The following THADA variants were observed in gnomAD, a reference collection of about 807,000 sequenced individuals.
THADA encodes tRNA (32-2'-O)-methyltransferase regulator THADA.
THADA carries 213 observed loss-of-function variants against 219.8 expected under a neutral mutation model. The ratio of observed to expected loss-of-function variants is 0.97; its 90% confidence interval spans 0.87 to 1.09. The LOEUF (loss-of-function observed/expected upper bound fraction) is 1.09. THADA is among the 50% of genes least tolerant of loss of function. THADA has a pLI of 0.00. For missense variants in THADA, 2,956 were observed against 2,311.3 expected (o/e 1.28, Z -5.72); for synonymous variants, 1,018 against 828.9 (o/e 1.23, Z -3.92).
At chr2:43,539,510 A>T (rs1435524723) in intron 21 of THADA, among the ~76,000 whole-genome samples, 3 of 152,216 alleles carry the variant, frequency 2.0e-5, no homozygotes, top group Non-Finnish European at 4.4e-5. Flanking sequence ...AAACTGAGAC[A>T]TTTCTTTAGC....
At chr2:43,476,421 T>A (rs984001893) in intron 26 of THADA, among the ~76,000 whole-genome samples, 19 of 151,920 alleles carry the variant, frequency 1.3e-4, no homozygotes, top group African/African-American at 4.4e-4. Context: ...GAAATCGGAG[T>A]CTCTGATGAT....
intron 25 of THADA, among the ~76,000 whole-genome samples, chr2:43,494,026 T>C (rs1687968263): frequency 6.6e-6 from 1 of 152,166 alleles, no homozygotes; most frequent in Non-Finnish European, 1.5e-5. Flanking sequence ...CTGTTCCAAC[T>C]ATATCCATGG....
intron 28 of THADA, among the ~76,000 whole-genome samples, chr2:43,424,067 T>G (rs1038926871): frequency 1.3e-5 from 2 of 152,178 alleles, no homozygotes; most frequent in African/African-American, 4.8e-5. Flanking sequence ...ATACACTGGA[T>G]TTTTTAAAAG....
chr2:43,487,100 C>T (rs1001477199), intron 25 of THADA, among the ~76,000 whole-genome samples: 1 of 152,166 alleles, frequency 6.6e-6, no homozygotes, highest in African/African-American at 2.4e-5. Flanking sequence ...TGTGCCCTGC[C>T]TAATTTAATC....
intron 29 of THADA, among the ~76,000 whole-genome samples, chr2:43,356,133 G>A (rs1002711184): frequency 2.6e-5 from 4 of 152,120 alleles, no homozygotes; most frequent in Admixed American, 6.5e-5. Context: ...AATTCTGCAC[G>A]TGGAAGCTAA....
chr2:43,327,337 G>C (rs1679446990), intron 30 of THADA, among the ~76,000 whole-genome samples: 1 of 152,052 alleles, frequency 6.6e-6, no homozygotes, highest in Non-Finnish European at 1.5e-5. Context: ...AGCCAGCACT[G>C]GAGTTAATGA....
chr2:43,540,954 TAG>T (rs1463400404), intron 21 of THADA, among the ~76,000 whole-genome samples: 2 of 152,228 alleles, frequency 1.3e-5, no homozygotes, highest in African/African-American at 2.4e-5. Flanking sequence ...TTATATACCT[TAG>T]AAAAAATTTC....
chr2:43,372,238 A>G (rs1465070564), intron 29 of THADA: 1 of 152,252 alleles, frequency 6.6e-6, no homozygotes, highest in East Asian at 1.9e-4. Context: ...AATAAGTTTT[A>G]AAGAGCTGCT....
intron 26 of THADA, among the ~76,000 whole-genome samples, chr2:43,437,582 A>C (rs1322740530): frequency 1.3e-5 from 2 of 152,214 alleles, no homozygotes; most frequent in Non-Finnish European, 2.9e-5. Context: ...AGGAGCCAAC[A>C]GTGTGATGTA....
chr2:43,296,624 C>G (rs1440788414), intron 31 of THADA, among the ~76,000 whole-genome samples: 1 of 152,148 alleles, frequency 6.6e-6, no homozygotes, highest in African/African-American at 2.4e-5. Context: ...CAGCTGGGAT[C>G]TTCAACCTCT....
chr2:43,429,025 C>T (rs993322274), intron 27 of THADA, among the ~76,000 whole-genome samples: 8 of 151,960 alleles, frequency 5.3e-5, no homozygotes, highest in African/African-American at 1.9e-4. Flanking sequence ...ATACCAAGTG[C>T]AAAATTATAG....
At chr2:43,406,817 A>G (rs151072105) in intron 28 of THADA, among the ~76,000 whole-genome samples, 71 of 152,234 alleles carry the variant, frequency 4.7e-4, no homozygotes, top group Admixed American at 2.2e-3. Context: ...AACAGCTGGA[A>G]AAGCATTCCG....
At chr2:43,487,359 T>C (rs1401606289) in intron 25 of THADA, among the ~76,000 whole-genome samples, 1 of 152,140 alleles carries the variant, frequency 6.6e-6, no homozygotes, top group Non-Finnish European at 1.5e-5. Context: ...GGCTGCCAGA[T>C]GCAGTAAAAT....
In THADA at chr2:43,570,447, G is replaced by A. The variant is rs765743165; in HGVS notation, c.2128C>T (p.Arg710Cys). The change falls in exon 14 of 38, where the codon CGT becomes TGT. Residue 710 changes from arginine (R) to cysteine (C), a missense_variant. Physicochemically the swap from Arg to Cys is radical, Grantham distance 180. Coordinates refer to ENST00000405975, the MANE Select transcript of THADA (RefSeq NM_022065.5). ...LYKLEQSKSK[R>C]EPENELTKQH... ...TTGGTTAACTCATTCTCTGGTTCAC[G>A]TTTGGATTTACTCTGCTCCAATTTA... 1.9e-5 allele frequency: 31 copies of A among 1,613,350 alleles called. No homozygotes were observed. The highest frequency in any genetic ancestry group is 1.6e-4 in the Middle Eastern group (1 of 6,078).
At chr2:43,433,346 A>G (rs1282343803) in intron 26 of THADA, among the ~76,000 whole-genome samples, 1 of 152,068 alleles carries the variant, frequency 6.6e-6, no homozygotes, top group Non-Finnish European at 1.5e-5. Context: ...CTTGACCAAC[A>G]CGGAGAAACT....
chr2:43,499,527 C>T (rs1688666948), intron 24 of THADA, among the ~76,000 whole-genome samples: 1 of 152,072 alleles, frequency 6.6e-6, no homozygotes, highest in Admixed American at 6.6e-5. Flanking sequence ...CAGATATGTG[C>T]CACCACGGCC....
intron 31 of THADA, among the ~76,000 whole-genome samples, chr2:43,300,605 T>C (rs936765881): frequency 6.6e-6 from 1 of 152,042 alleles, no homozygotes; most frequent in African/African-American, 2.4e-5. Flanking sequence ...GGAACCTTGC[T>C]GGGAGAGGAG....
chr2:43,290,146 T>A (rs1000437706), intron 34 of THADA, among the ~76,000 whole-genome samples: 1 of 151,890 alleles, frequency 6.6e-6, no homozygotes, highest in South Asian at 2.1e-4. Flanking sequence ...CTAATTTTTG[T>A]ATTTCTTGGT....
chr2:43,542,900 G>A (rs1449991668), intron 20 of THADA, among the ~76,000 whole-genome samples: 4 of 151,752 alleles, frequency 2.6e-5, no homozygotes, highest in Non-Finnish European at 4.4e-5. Flanking sequence ...AAGTTTTAGG[G>A]TACATGTGCA....
Sources: allele counts gnomAD v4.1 joint callset (sites outside exome capture counted in the v4.1 genomes callset), GRCh38; gene constraint gnomAD v4.1.1; transcripts MANE v1.5; gene names NCBI Gene and HGNC (gene_info 2026-07-23, HGNC 2026-07-21).